CLASP1: variants seen among roughly 807,000 people sequenced by gnomAD.
CLASP1 encodes cytoplasmic linker associated protein 1.
CLASP1 carries 38 observed loss-of-function variants against 192.3 expected under a neutral mutation model. That is an observed-to-expected ratio of 0.20 (90% CI 0.15 to 0.26). The LOEUF (loss-of-function observed/expected upper bound fraction) is 0.26. CLASP1 is among the 10% of genes least tolerant of loss of function. The probability of loss-of-function intolerance (pLI) is 1.00; values close to 1 mark genes in which losing one functional copy is unlikely to be tolerated. For synonymous variants in CLASP1, 691 were observed against 712.8 expected (o/e 0.97, Z 0.49); for missense variants, 1,433 against 1,932.5 (o/e 0.74, Z 4.85).
chr2:121,345,192 C>T (rs527526236), intron 39 of CLASP1, among the ~76,000 whole-genome samples: 17 of 152,154 alleles, frequency 1.1e-4, no homozygotes, highest in South Asian at 2.1e-4. Flanking sequence ...AACTGGGCTA[C>T]GAAAGCAGAA....
At chr2:121,387,882 G>C (rs759339487) in exon 31 of CLASP1, 2 of 1,612,282 alleles carry the variant, frequency 1.2e-6, no homozygotes, top group South Asian at 2.2e-5. Flanking sequence ...AATTCAAACA[G>C]AGAGATTAGC....
At chr2:121,450,840 A>G in intron 16 of CLASP1, 73 bp downstream of exon 16, 2 of 1,116,476 alleles carry the variant, frequency 1.8e-6, no homozygotes, top group Non-Finnish European at 2.6e-6. Flanking sequence ...TAAGTTTTTA[A>G]TAAGGCAATC....
intron 39 of CLASP1, among the ~76,000 whole-genome samples, chr2:121,346,155 T>C (rs1157006951): frequency 1.3e-5 from 2 of 152,242 alleles, no homozygotes; most frequent in African/African-American, 4.8e-5. Flanking sequence ...TTTCATGTTT[T>C]CCACTGGCTT....
At chr2:121,483,997 G>A (rs935460575) in intron 8 of CLASP1, among the ~76,000 whole-genome samples, 4 of 152,068 alleles carry the variant, frequency 2.6e-5, no homozygotes, top group Non-Finnish European at 5.9e-5. Flanking sequence ...ATGCATGGCC[G>A]GGTATACAGG....
At position 121,405,980 on chromosome 2, in the gene CLASP1, GTTAAC is replaced by G. The variant is rs147860588; in HGVS notation, c.2669+1486_2669+1490del. ...CCAAGAGGGATGCCCATCTATGACC[GTTAAC>G]TTATCTTATAAAAATCATCCAAAGG... is the stretch of plus-strand genomic sequence containing the variant. On this transcript the variant is annotated intron_variant, in intron 25 of 39. Transcript: ENST00000263710. Among the ~76,000 whole-genome samples the G allele has an allele frequency of 1.8e-3, 278 of 152,270 alleles. 4 individuals carry two copies. Among genetic ancestry groups the G allele is most frequent in the African/African-American group, 6.2e-3 (257 of 41,554 alleles).
chr2:121,460,190 A>G, intron 11 of CLASP1, 65 bp from the exon 12 acceptor site: 1 of 1,298,354 alleles, frequency 7.7e-7, no homozygotes, highest in South Asian at 1.6e-5. Context: ...ACACAACAAA[A>G]GAAGTCATCA....
At chr2:121,490,948 G>A (rs1213407214) in intron 8 of CLASP1, among the ~76,000 whole-genome samples, 1 of 152,160 alleles carries the variant, frequency 6.6e-6, no homozygotes, top group African/African-American at 2.4e-5. Flanking sequence ...GGATAAGCAT[G>A]GATAATAATG....
At chr2:121,418,871 C>A in intron 22 of CLASP1, 142 bp from the exon 23 acceptor site, 1 of 629,696 alleles carries the variant, frequency 1.6e-6, no homozygotes, top group South Asian at 1.9e-5. Flanking sequence ...GCCACCTATC[C>A]ATGCTGAGGT....
At chr2:121,398,247 G>A in intron 29 of CLASP1, 75 bp downstream of exon 30, 1 of 1,046,054 alleles carries the variant, frequency 9.6e-7, no homozygotes, top group South Asian at 1.4e-5. Context: ...CTAAACATGG[G>A]TCATACATAA....
chr2:121,595,207 C>G (rs2062988959), intron 2 of CLASP1, among the ~76,000 whole-genome samples: 1 of 152,212 alleles, frequency 6.6e-6, no homozygotes, highest in South Asian at 2.1e-4. Flanking sequence ...ACTATTCCGA[C>G]TAACATCCTG....
chr2:121,447,665 AAG>A (rs1351808723), intron 18 of CLASP1, among the ~76,000 whole-genome samples, 158 bp from the exon 19 acceptor site: 2 of 152,244 alleles, frequency 1.3e-5, no homozygotes, highest in African/African-American at 4.8e-5. Flanking sequence ...CTGGTCCCTG[AAG>A]AGAGTTCAGG....
rs571161557 is a variant in CLASP1, at chr2:121,504,883, C to T, written c.645-1649G>A. ...TCGTTAAAGCTGGCACTGAATAAAA[C>T]TCCAATTGCCACCTCAGGACCAGAT... On this transcript the variant is annotated intron_variant, in intron 7 of 39. Transcript: ENST00000263710. 2.6e-5 allele frequency: 4 copies of T among 152,334 alleles called. No homozygotes were observed. In the East Asian group the frequency reaches 7.7e-4, roughly 29 times the overall value. 9.4% of individuals were successfully genotyped at this position (152,334 alleles called of 1,614,324 possible).
chr2:121,348,434 G>C, intron 38 of CLASP1, 78 bp downstream of exon 39: 1 of 1,311,930 alleles, frequency 7.6e-7, no homozygotes, highest in Non-Finnish European at 1.0e-6. Flanking sequence ...TGAAGGAGGA[G>C]CACAAAGCCC....
intron 8 of CLASP1, among the ~76,000 whole-genome samples, chr2:121,497,476 C>G (rs949162277): frequency 3.3e-5 from 5 of 152,108 alleles, no homozygotes; most frequent in Non-Finnish European, 7.3e-5. Context: ...CAGTTCCAAT[C>G]CTGTACCAAG....
chr2:121,377,728 A>C, intron 33 of CLASP1, 79 bp from the exon 35 acceptor site: 3 of 958,816 alleles, frequency 3.1e-6, no homozygotes, highest in East Asian at 5.4e-5. Flanking sequence ...TACTTCCCAC[A>C]ATTTAAAGAA....
intron 32 of CLASP1, among the ~76,000 whole-genome samples, chr2:121,384,643 C>A (rs2072772692): frequency 6.6e-6 from 1 of 152,082 alleles, no homozygotes; most frequent in South Asian, 2.1e-4. Context: ...GCGGCTCATG[C>A]CTGTAATTCC....
rs184777506 is a variant in CLASP1, at chr2:121,389,753, C to T, written c.3124-1847G>A. On this transcript the variant is annotated intron_variant, in intron 30 of 39. Coordinates refer to ENST00000263710, the Ensembl canonical transcript of CLASP1. ...ACCTAATGTCCAAGCTAACTTGAGG[C>T]TTTTCATGATGCAAATTATTAACTT... Among the ~76,000 whole-genome samples, 11 of 152,316 alleles carry T rather than the reference C, an allele frequency of 7.2e-5. No individual in the cohort carries two copies. The East Asian group carries it at 7.7e-4, about 11-fold the overall frequency.
chr2:121,528,994 T>A (rs975077955), intron 3 of CLASP1, among the ~76,000 whole-genome samples: 1 of 152,176 alleles, frequency 6.6e-6, no homozygotes, highest in Non-Finnish European at 1.5e-5. Context: ...CATGGACAGA[T>A]ACACTATTTG....
chr2:121,594,302 A>G (rs1274779888), intron 2 of CLASP1, among the ~76,000 whole-genome samples: 3 of 151,744 alleles, frequency 2.0e-5, no homozygotes, highest in African/African-American at 7.3e-5. Flanking sequence ...TCCGTCTCAA[A>G]AAAAAAAAAA....
Sources: allele counts gnomAD v4.1 joint callset (sites outside exome capture counted in the v4.1 genomes callset), GRCh38; gene constraint gnomAD v4.1.1; transcripts MANE v1.5; gene names NCBI Gene and HGNC (gene_info 2026-07-23, HGNC 2026-07-21).